NRG4: variants seen among roughly 807,000 people sequenced by gnomAD.
NRG4 encodes pro-neuregulin-4, membrane-bound isoform.
Under a neutral mutation model 15.0 loss-of-function variants are expected in NRG4, and 10 were observed. That is an observed-to-expected ratio of 0.67 (90% CI 0.41 to 1.13). NRG4 has a LOEUF of 1.13. Among genes scored for constraint, NRG4 ranks in the 50% most tolerant of loss-of-function variants. NRG4 has a pLI of 0.00. For synonymous variants in NRG4, 41 were observed against 50.1 expected, an observed-to-expected ratio of 0.82 and a Z score of 0.77; for missense variants, 139 against 140.2, an observed-to-expected ratio of 0.99 and a Z score of 0.04.
chr15:75,971,108 T>C (rs1367198789), intron 3 of NRG4: 1 of 337,754 alleles, frequency 3.0e-6, no homozygotes, highest in Non-Finnish European at 5.8e-6. Context: ...CAGATTGCCC[T>C]GTGGATACCG....
intron 3 of NRG4, among the ~76,000 whole-genome samples, chr15:75,984,534 G>A (rs945946612): frequency 1.3e-5 from 2 of 152,126 alleles, no homozygotes; most frequent in Admixed American, 1.3e-4. Context: ...AACTAACACA[G>A]GAACAGAAAA....
At chr15:76,053,633 T>C (rs1402308471) in intron 2 of NRG4, among the ~76,000 whole-genome samples, 1 of 150,782 alleles carries the variant, frequency 6.6e-6, no homozygotes, top group Non-Finnish European at 1.5e-5. Flanking sequence ...CTTGGCTCAC[T>C]GCAACCTCCG....
At chr15:76,057,703 T>G (rs2036185347) in intron 1 of NRG4, among the ~76,000 whole-genome samples, 1 of 152,128 alleles carries the variant, frequency 6.6e-6, no homozygotes, top group South Asian at 2.1e-4. Context: ...TGGTTGCACC[T>G]ACAATTTCCA....
At chr15:76,028,595 T>TAAA (rs57381862) in intron 5 of NRG4, among the ~76,000 whole-genome samples, 6 of 140,998 alleles carry the variant, frequency 4.3e-5, no homozygotes, top group African/African-American at 1.3e-4. Context: ...TCAAACTGTT[T>TAAA]AAAAAAAAAA....
chr15:75,948,314 T>C (rs1167573004), intron 5 of NRG4, among the ~76,000 whole-genome samples: 3 of 141,396 alleles, frequency 2.1e-5, no homozygotes, highest in African/African-American at 7.7e-5. Context: ...ACTTTATTTA[T>C]TTATTTATTT....
intron 3 of NRG4, among the ~76,000 whole-genome samples, chr15:75,972,385 T>G (rs2033137489): frequency 6.6e-6 from 1 of 152,222 alleles, no homozygotes; most frequent in Non-Finnish European, 1.5e-5. Flanking sequence ...TAGATCCCAT[T>G]TGTCAATTTT....
At chr15:75,958,013 CTATTTTT>C (rs1429769105) in intron 4 of NRG4, among the ~76,000 whole-genome samples, 1 of 151,822 alleles carries the variant, frequency 6.6e-6, no homozygotes, top group East Asian at 1.9e-4. Flanking sequence ...TTTTTATTTT[CTATTTTT>C]TATTTTTTTT....
chr15:75,975,870 C>T (rs771753647), intron 3 of NRG4, among the ~76,000 whole-genome samples: 30 of 152,036 alleles, frequency 2.0e-4, no homozygotes, highest in African/African-American at 3.9e-4. Context: ...GTGGTATTCT[C>T]GGTATTTCCT....
At position 76,011,286 on chromosome 15, in the gene NRG4, C is replaced by G; in HGVS notation, c.-56G>C. On this transcript the variant is annotated splice_region_variant and 5_prime_UTR_variant, in exon 2 of 6. It removes an upstream start codon present in the reference 5' UTR. Transcript: ENST00000394907. ...AAGAGAGTAGGGTTGAAAAACAGTA[C>G]CTAAAACGGTTTAAAAAGTAATAAT... The G allele has an allele frequency of 7.5e-7, 1 of 1,339,340 alleles. No homozygotes were observed. Among genetic ancestry groups the G allele is most frequent in the South Asian group, 2.3e-5 (1 of 43,650 alleles). The allele number at this position is 1,339,340 out of a possible 1,614,324, so 83.0% of individuals were successfully genotyped here. A position where few individuals can be genotyped will look rare whatever the true frequency, so the allele number is the denominator to read the frequency against.
rs893693737 is a variant in NRG4 at position 75,981,916 on chromosome 15, A to G, written c.105-19942T>C. Among the ~76,000 whole-genome samples, 4 of 152,084 alleles carry G rather than the reference A, an allele frequency of 2.6e-5. No homozygotes were observed. The South Asian group carries it at 6.2e-4, about 24-fold the overall frequency. On this transcript the variant is annotated intron_variant, in intron 3 of 5. Coordinates refer to ENST00000394907, the MANE Select transcript of NRG4 (RefSeq NM_138573.4). ...GAATTGGAAAATTTTGCTTAAAAAT[A>G]TAACTTACAAAAAAAAAATCACCCC...
chr15:75,959,338 T>A (rs937188156), intron 4 of NRG4, among the ~76,000 whole-genome samples: 10 of 149,364 alleles, frequency 6.7e-5, no homozygotes, highest in Non-Finnish European at 1.3e-4. Flanking sequence ...ATAGCAGATA[T>A]TCTTATAAAT....
intron 3 of NRG4, among the ~76,000 whole-genome samples, chr15:75,998,557 A>C (rs904758669): frequency 6.6e-6 from 1 of 152,220 alleles, no homozygotes; most frequent in Non-Finnish European, 1.5e-5. Flanking sequence ...AGATAGTTGC[A>C]GGATATGAGG....
At chr15:76,024,942 T>G (rs748690403) in intron 5 of NRG4, among the ~76,000 whole-genome samples, 2 of 152,000 alleles carry the variant, frequency 1.3e-5, no homozygotes, top group Non-Finnish European at 2.9e-5. Flanking sequence ...ACCAAATGCA[T>G]AGAAATTAAT....
At chr15:75,949,143 C>A (rs1301410389) in intron 5 of NRG4, among the ~76,000 whole-genome samples, 1 of 152,122 alleles carries the variant, frequency 6.6e-6, no homozygotes, top group Non-Finnish European at 1.5e-5. Flanking sequence ...AAATCCATTA[C>A]CCTAAAAAAG....
chr15:76,049,444 C>T (rs1396541536), intron 4 of NRG4, among the ~76,000 whole-genome samples: 1 of 150,718 alleles, frequency 6.6e-6, no homozygotes, highest in African/African-American at 2.5e-5. Context: ...CACTCTCAAA[C>T]CCTCCTAACC....
At chr15:76,051,709 G>A (rs946254538) in intron 4 of NRG4, among the ~76,000 whole-genome samples, 17 of 150,034 alleles carry the variant, frequency 1.1e-4, no homozygotes, top group Non-Finnish European at 1.0e-4. Flanking sequence ...GACCACAGGC[G>A]CCCGCCACCA....
downstream of NRG4, chr15:75,939,849 C>G (rs1400300767): frequency 1.3e-5 from 2 of 152,066 alleles, no homozygotes; most frequent in African/African-American, 4.8e-5. Context: ...ATTAAAAACA[C>G]TCAACAAATG....
At chr15:75,938,413 AATAATGCG>A (rs2030591401), downstream of NRG4, 1 of 152,204 alleles carries the variant, frequency 6.6e-6, no homozygotes, top group Admixed American at 6.5e-5. Context: ...GGAACAGGAA[AATAATGCG>A]CATTCAAAAG....
At chr15:75,985,448 G>A (rs1285757717) in intron 3 of NRG4, among the ~76,000 whole-genome samples, 1 of 152,180 alleles carries the variant, frequency 6.6e-6, no homozygotes, top group Non-Finnish European at 1.5e-5. Context: ...CAGAGACTTA[G>A]TGTCCAAGAT....
Sources: gnomAD v4.1 joint callset for allele counts (sites outside exome capture counted in the v4.1 genomes callset) on GRCh38, gnomAD v4.1.1 for gene constraint, MANE v1.5 for transcripts, NCBI Gene and HGNC (gene_info 2026-07-23, HGNC 2026-07-21) for gene names.